Variants in MYPN observed in about 807,000 individuals in gnomAD.
The protein encoded by MYPN is sarcomeric protein myopalladin, 145 kDa (MYOP).
A neutral mutation model predicts 129.4 loss-of-function variants in MYPN; 63 were observed. The ratio of observed to expected loss-of-function variants is 0.49; its 90% confidence interval spans 0.40 to 0.60. The LOEUF (loss-of-function observed/expected upper bound fraction) is 0.60, where lower values mean the gene tolerates loss of function less well. Ranked by LOEUF, MYPN falls within the 20% of genes least tolerant of loss-of-function variation. The pLI is 0.00. For missense variants in MYPN, 1,596 were observed against 1,635.4 expected (o/e 0.98, Z 0.42); for synonymous variants, 629 against 600.9 (o/e 1.05, Z -0.68).
chr10:68,125,320 G>T (rs1417445275), intron 2 of MYPN, among the ~76,000 whole-genome samples: 1 of 152,166 alleles, frequency 6.6e-6, no homozygotes, highest in Non-Finnish European at 1.5e-5. Flanking sequence ...CAGCAATCAT[G>T]CCTGTATCCT....
intron 2 of MYPN, among the ~76,000 whole-genome samples, chr10:68,141,168 A>G (rs1431071145): frequency 6.6e-6 from 1 of 152,204 alleles, no homozygotes; most frequent in African/African-American, 2.4e-5. Context: ...CAAGAGATCA[A>G]GACCATTCTG....
At position 68,201,925 on chromosome 10, in the gene MYPN, G is replaced by A; in HGVS notation, c.3590G>A (p.Gly1197Asp). 6.2e-7 allele frequency: 1 copy of A among 1,614,164 alleles called. No individual in the cohort carries two copies. Among genetic ancestry groups the A allele is most frequent in the Non-Finnish European group, 8.5e-7 (1 of 1,180,034 alleles). Residue 1197 changes from glycine (G) to aspartate (D), a missense_variant, in exon 18 of 20, where the codon GGC becomes GAC. Gly to Asp is a moderately conservative substitution (Grantham distance 94, BLOSUM62 -1). Transcript: ENST00000358913. ...GTGAGACTGGAGTGCCGCGTGATAG[G>A]CATGCCCCCACCTGTGTTCTACTGG... ...HPVRLECRVI[G>D]MPPPVFYWKK...
intron 12 of MYPN, among the ~76,000 whole-genome samples, chr10:68,183,905 T>C (rs1439080913): frequency 2.6e-5 from 4 of 152,122 alleles, no homozygotes; most frequent in African/African-American, 7.2e-5. Flanking sequence ...ACCTGTGGTC[T>C]CTGCTACTTG....
chr10:68,210,561 C>T lies in MYPN; in HGVS notation c.*106C>T, dbSNP rs372734206. The T allele has an allele frequency of 7.6e-6, 10 of 1,309,670 alleles. No individual in the cohort carries two copies. The Admixed American group carries it at 1.0e-4, about 13-fold the overall frequency. 81.1% of individuals were successfully genotyped at this position (1,309,670 alleles called of 1,614,324 possible). On this transcript the variant is annotated 3_prime_UTR_variant, in exon 20 of 20. Transcript: ENST00000358913. ...AACCGAAGTTGAGTAAGTTCCCACACTGCTGGACCTGTGGCAAAGAGTGCT... is the reference window on the plus strand; with the variant it reads ...AACCGAAGTTGAGTAAGTTCCCACATTGCTGGACCTGTGGCAAAGAGTGCT...
At chr10:68,118,904 AGG>A (rs2042198258) in intron 1 of MYPN, among the ~76,000 whole-genome samples, 1 of 151,312 alleles carries the variant, frequency 6.6e-6, no homozygotes, top group East Asian at 1.9e-4. Flanking sequence ...GAAGGAAGGA[AGG>A]AAGGAAGGAA....
rs1271454652 is a variant in MYPN at position 68,121,780 on chromosome 10, G to T, written c.342G>T (p.Glu114Asp). ...AACACTCACCTAATTTAAGTTTTGAGCCTAACTTCTGCCAGGATAACCCTC... is the reference window on the plus strand; with the variant it reads ...AACACTCACCTAATTTAAGTTTTGATCCTAACTTCTGCCAGGATAACCCTC... ...QMKHSPNLSFEPNFCQDNPRS... is the reference protein window; with the variant it reads ...QMKHSPNLSFDPNFCQDNPRS... The change falls in exon 2 of 20, where the codon GAG becomes GAT. Residue 114 changes from glutamate (E) to aspartate (D), a missense_variant. Transcript: ENST00000358913. 1 of 1,614,044 alleles carries T rather than the reference G, an allele frequency of 6.2e-7. No individual in the cohort carries two copies. Among genetic ancestry groups the T allele is most frequent in the Non-Finnish European group, 8.5e-7 (1 of 1,180,044 alleles).
At chr10:68,157,608 T>C (rs896145981) in intron 6 of MYPN, among the ~76,000 whole-genome samples, 3 of 140,324 alleles carry the variant, frequency 2.1e-5, no homozygotes, top group Non-Finnish European at 4.5e-5. Flanking sequence ...CCGAGGTGGG[T>C]GGATCACTTG....
At chr10:68,162,117 G>A (rs573205807) in intron 8 of MYPN, 22 of 150,112 alleles carry the variant, frequency 1.5e-4, no homozygotes, top group Admixed American at 5.9e-4. Flanking sequence ...GCAGTGAGCC[G>A]AGATCGTGAC....
At position 68,174,189 on chromosome 10, in the gene MYPN, TC is replaced by T. The variant is rs2043188116; in HGVS notation, c.2102del (p.Pro701GlnfsTer3). 1 of 1,613,678 alleles carries T rather than the reference TC, an allele frequency of 6.2e-7. No individual in the cohort carries two copies. The highest frequency in any genetic ancestry group is 1.1e-5 in the South Asian group (1 of 91,072). On this transcript the variant is annotated frameshift_variant, in exon 11 of 20. Coordinates refer to ENST00000358913, the MANE Select transcript of MYPN (RefSeq NM_032578.4). LOFTEE classifies it high-confidence loss of function. ...GCATGACTGTTTTGAACTCCAATGC[TC>T]CCCCAGCGGTGACAACATCCAGTAA... Reference protein sequence around the residue: ...FSMTVLNSNAPPAVTTSSKQV... With the variant: ...FSMTVLNSNAXPAVTTSSKQV...
Position 68,095,250 on chromosome 10 carries a change from T to C in MYPN, c.-2+7258T>C, listed in dbSNP as rs558711545. On this transcript the variant is annotated intron_variant, in intron 1 of 6. Coordinates refer to the MYPN transcript ENST00000685154. Reference sequence around the variant, plus strand: ...CTGTGGTCCCAGCTACTCGGGAGGCTGAGGTGGGAAGATTGCTTGAGTCTG... The same window carrying C: ...CTGTGGTCCCAGCTACTCGGGAGGCCGAGGTGGGAAGATTGCTTGAGTCTG... Among the ~76,000 whole-genome samples, 5 of 150,898 alleles carry C rather than the reference T, an allele frequency of 3.3e-5. No homozygotes were observed. In the East Asian group the frequency reaches 9.7e-4, roughly 29 times the overall value.
intron 17 of MYPN, among the ~76,000 whole-genome samples, chr10:68,199,839 C>A (rs968814971): frequency 2.0e-5 from 3 of 152,164 alleles, no homozygotes; most frequent in Non-Finnish European, 4.4e-5. Context: ...AATCAATTAG[C>A]TGTCACTAAA....
intron 9 of MYPN, 138 bp from the exon 10 acceptor site, chr10:68,166,156 G>T (rs1439640788): frequency 2.4e-5 from 24 of 982,212 alleles, no homozygotes; most frequent in Admixed American, 2.0e-4. Context: ...ATTCTTTAAT[G>T]CCCAGATGAT....
At chr10:68,145,826 T>C (rs773825096) in intron 4 of MYPN, among the ~76,000 whole-genome samples, 7 of 152,224 alleles carry the variant, frequency 4.6e-5, no homozygotes, top group Admixed American at 1.3e-4. Flanking sequence ...AATTTGCTTC[T>C]AGCTTTTGTG....
chr10:68,199,431 G>A lies in MYPN; in HGVS notation c.3349G>A (p.Ala1117Thr). 2 of 1,614,184 alleles carry A rather than the reference G, an allele frequency of 1.2e-6. No individual in the cohort carries two copies. Among genetic ancestry groups the A allele is most frequent in the Non-Finnish European group, 1.7e-6 (2 of 1,180,028 alleles). ...CAATGGCCAACCTGTGCTACCAGAT[G>A]CCTCCCACAAGATGCTGGTCAGGGA... is the stretch of plus-strand genomic sequence containing the variant. ...LLNGQPVLPDASHKMLVRETG... is the reference protein window; with the variant it reads ...LLNGQPVLPDTSHKMLVRETG... Residue 1117 changes from alanine to threonine, a missense_variant, in exon 17 of 20, where the codon GCC (alanine) becomes ACC (threonine). Ala to Thr is a moderately conservative substitution (Grantham distance 58). Coordinates refer to ENST00000358913, the MANE Select transcript of MYPN (RefSeq NM_032578.4).
intron 15 of MYPN, among the ~76,000 whole-genome samples, chr10:68,196,392 C>A (rs904995243): frequency 6.6e-6 from 1 of 151,710 alleles, no homozygotes; most frequent in Non-Finnish European, 1.5e-5. Context: ...CTGACACAGA[C>A]GAATTAAATG....
intron 2 of MYPN, among the ~76,000 whole-genome samples, chr10:68,123,032 A>G (rs2042270417): frequency 1.3e-5 from 2 of 151,976 alleles, no homozygotes; most frequent in East Asian, 1.9e-4. Context: ...CGTGAATTCT[A>G]CACTGACAGC....
chr10:68,174,942 C>G (rs2134202898), intron 11 of MYPN, among the ~76,000 whole-genome samples: 1 of 152,144 alleles, frequency 6.6e-6, no homozygotes, highest in African/African-American at 2.4e-5. Context: ...TGACAGCAGC[C>G]TGGGCAACAT....
chr10:68,156,484 G>A (rs1589566374), intron 6 of MYPN, among the ~76,000 whole-genome samples: 1 of 152,118 alleles, frequency 6.6e-6, no homozygotes, highest in East Asian at 1.9e-4. Context: ...GAAACCACTC[G>A]GTGCTAATCC....
chr10:68,189,805 C>T (rs7091369), intron 13 of MYPN, among the ~76,000 whole-genome samples: 95,733 of 152,130 alleles, frequency 0.63, 31,511 homozygotes, highest in Non-Finnish European at 0.72. Flanking sequence ...ACTTGGCTAT[C>T]ATGAATAGTG....
Sources: gnomAD v4.1 joint callset for allele counts (sites outside exome capture counted in the v4.1 genomes callset) on GRCh38, gnomAD v4.1.1 for gene constraint, MANE v1.5 for transcripts, NCBI Gene and HGNC (gene_info 2026-07-23, HGNC 2026-07-21) for gene names.